The following ATP7A variants were observed in gnomAD, a reference collection of about 807,000 sequenced individuals.
ATP7A encodes the protein ATPase copper transporting alpha.
A neutral mutation model predicts 83.5 loss-of-function variants in ATP7A; 7 were observed. The observed-to-expected ratio is 0.08, with a 90% CI of 0.05 to 0.16. ATP7A has a LOEUF of 0.16. Ranked by LOEUF, ATP7A falls within the 10% of genes least tolerant of loss-of-function variation. The pLI is 1.00. For synonymous variants in ATP7A, 354 were observed against 395.2 expected (o/e 0.90, Z 1.24); for missense variants, 940 against 1,120.8 (o/e 0.84, Z 2.30).
At chrX:77,931,743 G>T (rs1361052642) in intron 1 of ATP7A, among the ~76,000 whole-genome samples, 1 of 102,709 alleles carries the variant, frequency 9.7e-6, no homozygotes, top group Non-Finnish European at 2.0e-5. Context: ...CTCACCTCCC[G>T]GACGGGGCGG....
chrX:78,039,303 T>C (rs916359392), intron 18 of ATP7A, among the ~76,000 whole-genome samples: 1 of 111,377 alleles, frequency 9.0e-6, no homozygotes, highest in African/African-American at 3.3e-5. Context: ...GTCAGGTTTT[T>C]TTTGTTTGTT....
chrX:77,911,344 C>T (rs1276139987), intron 1 of ATP7A, among the ~76,000 whole-genome samples: 1 of 112,080 alleles, frequency 8.9e-6, no homozygotes. Context: ...AGTAAAGTTA[C>T]TGTCCATTGT....
intron 2 of ATP7A, among the ~76,000 whole-genome samples, chrX:77,979,509 TAAAAG>T (rs1484227611): frequency 4.5e-5 from 5 of 111,716 alleles, no homozygotes; most frequent in African/African-American, 9.8e-5. Context: ...CCCCTGAACT[TAAAAG>T]AAAAGTTAAA....
At chrX:77,950,116 G>T (rs2077404779) in intron 1 of ATP7A, among the ~76,000 whole-genome samples, 1 of 112,185 alleles carries the variant, frequency 8.9e-6, no homozygotes, top group Admixed American at 9.5e-5. Flanking sequence ...ATTGCTGCCT[G>T]TGCTGAGAAT....
intron 1 of ATP7A, among the ~76,000 whole-genome samples, chrX:77,913,156 C>T (rs1255023632): frequency 1.2e-4 from 14 of 112,153 alleles, no homozygotes; most frequent in African/African-American, 4.5e-4. Context: ...AAGCTCTTGG[C>T]AAACTTTATT....
Position 78,042,766 on chromosome X carries a change from C to T in ATP7A, c.3983C>T (p.Ala1328Val). The T allele has an allele frequency of 8.3e-7, 1 of 1,211,350 alleles. No individual in the cohort carries two copies. The highest frequency in any genetic ancestry group is 1.1e-6 in the Non-Finnish European group (1 of 895,572). The change falls in exon 20 of 23, where the codon GCA becomes GTA. Residue 1328 changes from alanine to valine, a missense_variant. Around this residue, in one of 3 missense-constraint regions of ATP7A, gnomAD observed 386 missense variants for 502.2 expected, o/e 0.77. Coordinates refer to ENST00000341514, the MANE Select transcript of ATP7A (RefSeq NM_000052.7). ...ACAGGCACAGATGTAGCCATTGAAGCAGCTGATGTGGTTTTGATAAGGGTA... is the reference window on the plus strand; with the variant it reads ...ACAGGCACAGATGTAGCCATTGAAGTAGCTGATGTGGTTTTGATAAGGGTA... ...IGTGTDVAIE[A>V]ADVVLIRNDL...
intron 1 of ATP7A, among the ~76,000 whole-genome samples, chrX:77,948,295 T>A (rs1557226424): frequency 9.2e-6 from 1 of 109,133 alleles, no homozygotes; most frequent in African/African-American, 3.3e-5. Flanking sequence ...GCCCCGCTAA[T>A]GTTTTTGTAT....
At position 78,011,208 on chromosome X, in the gene ATP7A, G is replaced by C; in HGVS notation, c.1902G>C (p.Lys634Asn). Residue 634 changes from lysine to asparagine, a missense_variant, in exon 8 of 23, where the codon AAG becomes AAC. Transcript: ENST00000341514. ...SLGFEASLVK[K>N]DRSASHLDHK... ...GTTTTGAAGCTTCTTTGGTCAAGAAGGATCGGTCAGCAAGTCACTTAGATC... is the reference window on the plus strand; with the variant it reads ...GTTTTGAAGCTTCTTTGGTCAAGAACGATCGGTCAGCAAGTCACTTAGATC... 8.3e-7 allele frequency: 1 copy of C among 1,210,712 alleles called. No homozygotes were observed. Among genetic ancestry groups the C allele is most frequent in the Non-Finnish European group, 1.1e-6 (1 of 894,852 alleles).
At chrX:78,008,573 A>G (rs1232657388) in intron 6 of ATP7A, among the ~76,000 whole-genome samples, 1 of 111,520 alleles carries the variant, frequency 9.0e-6, no homozygotes, top group African/African-American at 3.3e-5. Context: ...AAACAATAAT[A>G]AATGTCAAAT....
At chrX:78,005,166 T>A (rs1284790521) in intron 6 of ATP7A, among the ~76,000 whole-genome samples, 1 of 111,552 alleles carries the variant, frequency 9.0e-6, no homozygotes, top group Non-Finnish European at 1.9e-5. Flanking sequence ...TATGAAACTT[T>A]CGGACATACA....
intron 6 of ATP7A, among the ~76,000 whole-genome samples, chrX:78,008,485 C>T (rs1415467848): frequency 6.3e-5 from 7 of 110,855 alleles, no homozygotes; most frequent in Non-Finnish European, 1.3e-4. Context: ...CCATTAATTT[C>T]ACTGAAAGCT....
intron 14 of ATP7A, among the ~76,000 whole-genome samples, chrX:78,022,284 ATCTATAAT>A (rs1201058989): frequency 1.8e-5 from 2 of 110,622 alleles, no homozygotes; most frequent in Non-Finnish European, 3.8e-5. Context: ...TTCTATATAG[ATCTATAAT>A]TCTTGGATGA....
intron 1 of ATP7A, among the ~76,000 whole-genome samples, chrX:77,927,491 A>G (rs1013245266): frequency 9.0e-5 from 10 of 111,668 alleles, no homozygotes; most frequent in Admixed American, 6.7e-4. Context: ...CCAATTCTGT[A>G]TTGATATTTA....
intron 2 of ATP7A, among the ~76,000 whole-genome samples, chrX:77,983,326 C>T (rs2077614856): frequency 8.9e-6 from 1 of 111,898 alleles, no homozygotes; most frequent in Non-Finnish European, 1.9e-5. Flanking sequence ...AACTGAAGCC[C>T]TCAGAGGTAG....
chrX:78,035,465 A>G (rs1293814702), intron 17 of ATP7A, among the ~76,000 whole-genome samples: 1 of 111,582 alleles, frequency 9.0e-6, no homozygotes, highest in African/African-American at 3.3e-5. Context: ...CCCACCCCTC[A>G]GAAAATTTTT....
chrX:77,956,726 C>CCTTCCTTCCTTT (rs1557227392), intron 1 of ATP7A, among the ~76,000 whole-genome samples: 2 of 73,772 alleles, frequency 2.7e-5, no homozygotes, highest in South Asian at 1.5e-3. Context: ...TACCCAGTCT[C>CCTTCCTTCCTTT]CTTTCTTTCT....
At chrX:78,036,686 G>C (rs1278014639) in intron 17 of ATP7A, among the ~76,000 whole-genome samples, 1 of 111,231 alleles carries the variant, frequency 9.0e-6, no homozygotes, top group Admixed American at 9.6e-5. Context: ...TTCGAGACCA[G>C]CCTGGCCAAC....
At chrX:77,920,977 G>T (rs1249946120) in intron 1 of ATP7A, among the ~76,000 whole-genome samples, 3 of 111,856 alleles carry the variant, frequency 2.7e-5, no homozygotes, top group African/African-American at 9.8e-5. Flanking sequence ...TACAATATTT[G>T]CCCTTTTGTG....
At chrX:77,946,579 A>G in intron 1 of ATP7A, among the ~76,000 whole-genome samples, 1 of 110,993 alleles carries the variant, frequency 9.0e-6, no homozygotes, top group East Asian at 2.8e-4. Context: ...TACATTACAA[A>G]TGAAATAAAA....
Sources: gnomAD v4.1 joint callset for allele counts (sites outside exome capture counted in the v4.1 genomes callset) on GRCh38, gnomAD v4.1.1 for gene constraint, gnomAD v4.1.1 regional missense constraint, MANE v1.5 for transcripts, NCBI Gene and HGNC (gene_info 2026-07-23, HGNC 2026-07-21) for gene names.